The following KLF12 variants were observed in gnomAD, a reference collection of about 807,000 sequenced individuals.
KLF12 encodes the protein Krueppel-like factor 12.
KLF12 carries 9 observed loss-of-function variants against 37.8 expected under a neutral mutation model. The observed-to-expected ratio is 0.24, with a 90% CI of 0.14 to 0.42. The LOEUF is 0.42. Among genes scored for constraint, KLF12 ranks in the 10% least tolerant of loss-of-function variants. The pLI is 1.00. For synonymous variants in KLF12, 208 were observed against 202.1 expected, an observed-to-expected ratio of 1.03 and a Z score of -0.25; for missense variants, 411 against 516.0, an observed-to-expected ratio of 0.80 and a Z score of 1.97.
At chr13:74,215,094 T>TACAC in the KLF12 span, among the ~76,000 whole-genome samples, 14 of 152,144 alleles carry the variant, frequency 9.2e-5, no homozygotes, top group Non-Finnish European at 2.1e-4. Context: ...CTCCTGGCCT[T>TACAC]ACACTAATTT....
chr13:73,783,012 C>T (rs1183060456), intron 5 of KLF12, among the ~76,000 whole-genome samples: 1 of 152,158 alleles, frequency 6.6e-6, no homozygotes, highest in Non-Finnish European at 1.5e-5. Context: ...TATGTATCAT[C>T]CGGCTACACA....
upstream of KLF12, among the ~76,000 whole-genome samples, chr13:74,134,965 G>A (rs1378108607): frequency 6.6e-6 from 1 of 151,646 alleles, no homozygotes; most frequent in South Asian, 2.1e-4. Flanking sequence ...GGGGCAGCTC[G>A]CGGGGACCGC....
Position 74,059,690 on chromosome 13 carries a change from A to T in KLF12, c.-31-64637T>A, listed in dbSNP as rs574164121. 9.2e-5 allele frequency among the ~76,000 whole-genome samples: 14 copies of T among 152,228 alleles called. No individual in the cohort carries two copies. The East Asian group carries it at 1.9e-3, about 21-fold the overall frequency. On this transcript the variant is annotated intron_variant, in intron 1 of 7. Transcript: ENST00000377669. ...GATATTATTAGTCCTTTATTATCAG[A>T]GGCATAATTTGCAAATGTTTTCTCC...
At chr13:73,994,948 T>G in intron 2 of KLF12, 42 bp downstream of exon 2, 1 of 1,324,220 alleles carries the variant, frequency 7.6e-7, no homozygotes, top group Non-Finnish European at 1.1e-6. Context: ...ATGCTCAAAG[T>G]AGCAATATTT....
In KLF12 at chr13:73,835,916, G is replaced by A. The variant is rs58023426; in HGVS notation, c.670+9911C>T. ...AGTGTGATAATCATTTTAGTCTACT[G>A]TAAACTAGAGCTGGCTTTTAAAAAG... On this transcript the variant is annotated intron_variant, in intron 4 of 7. Coordinates refer to ENST00000377669, the MANE Select transcript of KLF12 (RefSeq NM_007249.5). Among the ~76,000 whole-genome samples the A allele has an allele frequency of 1.1e-3, 161 of 152,176 alleles. 2 individuals are homozygous for A. The highest frequency in any genetic ancestry group is 3.4e-3 in the African/African-American group (143 of 41,520).
At chr13:73,942,148 T>C (rs1890215805) in intron 3 of KLF12, among the ~76,000 whole-genome samples, 1 of 152,198 alleles carries the variant, frequency 6.6e-6, no homozygotes, top group Non-Finnish European at 1.5e-5. Flanking sequence ...GGGAAAGAAC[T>C]ATATGGATAT....
the KLF12 span, among the ~76,000 whole-genome samples, chr13:74,181,172 G>A: frequency 6.6e-6 from 1 of 150,960 alleles, no homozygotes; most frequent in Non-Finnish European, 1.5e-5. Context: ...CTAATTTTTT[G>A]TATTTTTAGT....
intron 6 of KLF12, among the ~76,000 whole-genome samples, chr13:73,724,942 C>T (rs1876547799): frequency 6.6e-6 from 1 of 151,988 alleles, no homozygotes; most frequent in Admixed American, 6.5e-5. Context: ...TTTCTTTTTA[C>T]ATCAGATAGT....
At chr13:74,249,657 C>T in the KLF12 span, among the ~76,000 whole-genome samples, 3 of 152,182 alleles carry the variant, frequency 2.0e-5, no homozygotes, top group East Asian at 5.8e-4. Flanking sequence ...ACCTATGGAA[C>T]CTGAAAGTTC....
At chr13:74,294,250 G>A in the KLF12 span, among the ~76,000 whole-genome samples, 1 of 152,114 alleles carries the variant, frequency 6.6e-6, no homozygotes, top group Non-Finnish European at 1.5e-5. Context: ...TTGTGTAGTA[G>A]GGAAGTCAGG....
chr13:73,946,765 T>C (rs1890440871), intron 2 of KLF12, among the ~76,000 whole-genome samples: 1 of 152,220 alleles, frequency 6.6e-6, no homozygotes, highest in Non-Finnish European at 1.5e-5. Context: ...TCAATCTGTA[T>C]ATATGCCTGT....
intron 1 of KLF12, among the ~76,000 whole-genome samples, chr13:74,037,077 G>A (rs1187389014): frequency 5.9e-5 from 9 of 151,724 alleles, no homozygotes; most frequent in African/African-American, 9.7e-5. Flanking sequence ...GGTGGTGGGC[G>A]CCTGTAATCT....
chr13:74,212,439 A>G, the KLF12 span, among the ~76,000 whole-genome samples: 604 of 152,304 alleles, frequency 4.0e-3, 6 homozygotes, highest in Non-Finnish European at 4.7e-3. Context: ...GCATTTTACA[A>G]AAGGAATGGA....
At chr13:73,848,269 T>C (rs191663440) in intron 3 of KLF12, among the ~76,000 whole-genome samples, 4 of 152,086 alleles carry the variant, frequency 2.6e-5, no homozygotes, top group South Asian at 2.1e-4. Flanking sequence ...TGTTCTATAA[T>C]GTAAATGAAA....
chr13:73,889,401 G>C (rs1413880715), intron 3 of KLF12, among the ~76,000 whole-genome samples: 1 of 152,140 alleles, frequency 6.6e-6, no homozygotes, highest in Non-Finnish European at 1.5e-5. Context: ...AACACCTGGA[G>C]TAGGCACTTG....
chr13:73,863,833 G>A (rs1286133006), intron 3 of KLF12, among the ~76,000 whole-genome samples: 1 of 152,062 alleles, frequency 6.6e-6, no homozygotes, highest in East Asian at 1.9e-4. Context: ...GAGGGCTTGG[G>A]GTGGAACTGG....
chr13:73,972,448 C>A (rs953235477), intron 2 of KLF12, among the ~76,000 whole-genome samples: 1 of 151,754 alleles, frequency 6.6e-6, no homozygotes, highest in Non-Finnish European at 1.5e-5. Flanking sequence ...TATAGCCCAT[C>A]TTTAATACAT....
intron 2 of KLF12, among the ~76,000 whole-genome samples, chr13:73,986,476 T>C (rs185403399): frequency 3.3e-5 from 5 of 152,282 alleles, no homozygotes; most frequent in Admixed American, 3.3e-4. Flanking sequence ...ATGACAAAGG[T>C]AACATGTACC....
intron 2 of KLF12, among the ~76,000 whole-genome samples, chr13:73,977,650 C>T (rs982839645): frequency 3.3e-5 from 5 of 152,052 alleles, no homozygotes; most frequent in African/African-American, 1.2e-4. Context: ...AGGCTAAAGA[C>T]CTAGAATAGT....
Sources: allele counts gnomAD v4.1 joint callset (sites outside exome capture counted in the v4.1 genomes callset), GRCh38; gene constraint gnomAD v4.1.1; transcripts MANE v1.5; gene names NCBI Gene and HGNC (gene_info 2026-07-23, HGNC 2026-07-21).